Variants in ANKDD1A observed in about 807,000 individuals in gnomAD.
The protein encoded by ANKDD1A is ankyrin repeat and death domain-containing protein 1A.
Under a neutral mutation model 63.5 loss-of-function variants are expected in ANKDD1A, and 59 were observed. The ratio of observed to expected loss-of-function variants is 0.93; its 90% confidence interval spans 0.75 to 1.15. The LOEUF (loss-of-function observed/expected upper bound fraction) is 1.15, where lower values mean the gene tolerates loss of function less well. Ranked by LOEUF, ANKDD1A falls within the 50% of genes most tolerant of loss-of-function variation. ANKDD1A has a pLI of 0.00. For synonymous variants in ANKDD1A, 266 were observed against 263.9 expected (o/e 1.01, Z -0.08); for missense variants, 632 against 656.4 (o/e 0.96, Z 0.41).
chr15:64,943,646 G>A (rs1454992523), intron 11 of ANKDD1A, 64 bp downstream of exon 11: 49 of 1,415,752 alleles, frequency 3.5e-5, no homozygotes, highest in Middle Eastern at 1.8e-4. Flanking sequence ...CAGAGACCCT[G>A]CTACGAATGC....
chr15:64,953,064 TCTTTCCTTC>T (rs2085330100), intron 14 of ANKDD1A, among the ~76,000 whole-genome samples: 1 of 147,012 alleles, frequency 6.8e-6, no homozygotes, highest in Non-Finnish European at 1.5e-5. Flanking sequence ...TTTTTCTTCC[TCTTTCCTTC>T]TTTCTTCTTC....
At chr15:64,915,698 C>T (rs1043968756) in intron 1 of ANKDD1A, 99 bp from the exon 2 acceptor site, 1 of 1,022,818 alleles carries the variant, frequency 9.8e-7, no homozygotes, top group Non-Finnish European at 1.5e-6. Flanking sequence ...AAGACCCCTG[C>T]TCCAGAAATG....
chr15:64,950,482 T>C, intron 14 of ANKDD1A: 1 of 985,396 alleles, frequency 1.0e-6, no homozygotes, highest in Non-Finnish European at 1.2e-6. Flanking sequence ...ACAAGCAGGA[T>C]AGAAGGTTCT....
At chr15:64,940,459 G>C (rs1248014591) in intron 9 of ANKDD1A, among the ~76,000 whole-genome samples, 2 of 151,868 alleles carry the variant, frequency 1.3e-5, no homozygotes, top group Admixed American at 1.3e-4. Context: ...TTGAGACAGA[G>C]TCTTGCTCTG....
chr15:64,949,819 T>C lies in ANKDD1A; in HGVS notation c.1352-22T>C, dbSNP rs757613499. 6.3e-6 allele frequency: 10 copies of C among 1,597,396 alleles called. No homozygotes were observed. The South Asian group carries it at 9.9e-5, about 16-fold the overall frequency. Reference sequence around the variant, plus strand: ...CCCATTGGCTCCTTCTCCCTCTCTCTCTCCTCCCTCACTGTTCTCAGGCAC... The same window carrying C: ...CCCATTGGCTCCTTCTCCCTCTCTCCCTCCTCCCTCACTGTTCTCAGGCAC... On this transcript the variant is annotated intron_variant, in intron 13 of 14. Transcript: ENST00000319580.
intron 14 of ANKDD1A, among the ~76,000 whole-genome samples, chr15:64,951,664 TTTTC>T (rs1233345307): frequency 1.5e-4 from 5 of 33,030 alleles, no homozygotes; most frequent in African/African-American, 2.8e-4. Flanking sequence ...TCTATCTTCT[TTTTC>T]TTTCTTTCCT....
intron 13 of ANKDD1A, among the ~76,000 whole-genome samples, chr15:64,949,287 G>A (rs1360368070): frequency 6.6e-6 from 1 of 152,176 alleles, no homozygotes; most frequent in African/African-American, 2.4e-5. Context: ...AAATGCCTAG[G>A]CTGCACCCAG....
intron 14 of ANKDD1A, among the ~76,000 whole-genome samples, chr15:64,952,670 CCTTCTT>C (rs372191984): frequency 6.3e-4 from 83 of 132,166 alleles, no homozygotes; most frequent in African/African-American, 2.2e-3. Flanking sequence ...TCCCCTTCTT[CCTTCTT>C]CTTCTTCCTC....
At chr15:64,927,191 T>C (rs2085052257) in intron 6 of ANKDD1A, among the ~76,000 whole-genome samples, 192 bp downstream of exon 6, 2 of 152,264 alleles carry the variant, frequency 1.3e-5, no homozygotes, top group Admixed American at 1.3e-4. Flanking sequence ...AGCCCTGTGC[T>C]ACAGGTTGGT....
intron 2 of ANKDD1A, among the ~76,000 whole-genome samples, chr15:64,916,193 G>A (rs570681348): frequency 2.4e-3 from 362 of 152,304 alleles, no homozygotes; most frequent in Non-Finnish European, 4.1e-3. Flanking sequence ...AGGAGGGCCA[G>A]GGTCAAAGGT....
At chr15:64,953,576 GTTCTTC>G (rs200070702) in intron 14 of ANKDD1A, among the ~76,000 whole-genome samples, 1 of 17,930 alleles carries the variant, frequency 5.6e-5, no homozygotes, top group African/African-American at 1.3e-4. Flanking sequence ...CTTCTTCTTA[GTTCTTC>G]TTCTTCCTTC....
chr15:64,913,032 A>G (rs2084943228), intron 1 of ANKDD1A, among the ~76,000 whole-genome samples: 1 of 152,216 alleles, frequency 6.6e-6, no homozygotes, highest in South Asian at 2.1e-4. Context: ...TGGGAGGTGG[A>G]TGGAAGAGAT....
At chr15:64,937,770 A>G (rs1168186652) in intron 9 of ANKDD1A, among the ~76,000 whole-genome samples, 1 of 152,080 alleles carries the variant, frequency 6.6e-6, no homozygotes, top group Non-Finnish European at 1.5e-5. Flanking sequence ...GAATGAGGAC[A>G]GTTTTCAAAA....
chr15:64,951,722 C>CTTTT (rs2085284570), intron 14 of ANKDD1A, among the ~76,000 whole-genome samples: 1 of 3,428 alleles, frequency 2.9e-4, no homozygotes, highest in South Asian at 0.021. Flanking sequence ...TTTTTCTTCC[C>CTTTT]TTTTCTTCTT....
At chr15:64,949,783 G>T in intron 13 of ANKDD1A, 58 bp from the exon 14 acceptor site, 1 of 1,586,280 alleles carries the variant, frequency 6.3e-7, no homozygotes, top group South Asian at 1.1e-5. Context: ...CAGGCGCTCT[G>T]GTCAAGTGGC....
chr15:64,952,670 C>CTTCCCCTT (rs2085316628), intron 14 of ANKDD1A, among the ~76,000 whole-genome samples: 1 of 132,056 alleles, frequency 7.6e-6, no homozygotes, highest in Admixed American at 8.3e-5. Flanking sequence ...TCCCCTTCTT[C>CTTCCCCTT]CTTCTTCTTC....
At chr15:64,940,917 A>AT (rs1237597153) in intron 9 of ANKDD1A, among the ~76,000 whole-genome samples, 1 of 151,740 alleles carries the variant, frequency 6.6e-6, no homozygotes, top group Non-Finnish European at 1.5e-5. Context: ...TTTGTTTTAA[A>AT]TTTTTTGTAG....
At chr15:64,938,527 T>C (rs1380517243) in intron 9 of ANKDD1A, among the ~76,000 whole-genome samples, 1 of 152,124 alleles carries the variant, frequency 6.6e-6, no homozygotes, top group Non-Finnish European at 1.5e-5. Context: ...CAAGTAATTC[T>C]CAAAATGTCA....
intron 9 of ANKDD1A, among the ~76,000 whole-genome samples, chr15:64,940,864 A>G (rs553562244): frequency 6.6e-6 from 1 of 152,208 alleles, no homozygotes; most frequent in Non-Finnish European, 1.5e-5. Context: ...TCAGCCTCCC[A>G]GGTAGCTGAA....
Sources: allele counts gnomAD v4.1 joint callset (sites outside exome capture counted in the v4.1 genomes callset), GRCh38; gene constraint gnomAD v4.1.1; transcripts MANE v1.5; gene names NCBI Gene and HGNC (gene_info 2026-07-23, HGNC 2026-07-21).